MTF1: variants seen among roughly 807,000 people sequenced by gnomAD.
The protein encoded by MTF1 is MRE-binding transcription factor.
A neutral mutation model predicts 70.4 loss-of-function variants in MTF1; 22 were observed. The observed-to-expected ratio is 0.31, with a 90% confidence interval of 0.22 to 0.45. The LOEUF is 0.45. Ranked by LOEUF, MTF1 falls within the 20% of genes least tolerant of loss-of-function variation. MTF1 has a pLI of 1.00. For missense variants in MTF1, 649 were observed against 922.0 expected (o/e 0.70, Z 3.83); for synonymous variants, 333 against 352.8 (o/e 0.94, Z 0.63).
At chr1:37,818,382 A>C (rs1237378814) in intron 9 of MTF1, among the ~76,000 whole-genome samples, 2 of 152,208 alleles carry the variant, frequency 1.3e-5, no homozygotes, top group African/African-American at 2.4e-5. Context: ...GTTCAAGGCC[A>C]GCCCAGCCTG....
At chr1:37,841,119 A>ATACG in intron 2 of MTF1, 1 of 164,848 alleles carries the variant, frequency 6.1e-6, no homozygotes, top group South Asian at 1.4e-4. Context: ...CTCGAGGATG[A>ATACG]GCTTTTGAAG....
intron 7 of MTF1, chr1:37,826,622 TC>T: frequency 2.3e-6 from 1 of 428,770 alleles, no homozygotes; most frequent in Non-Finnish European, 4.6e-6. Context: ...ATTCAGTGAT[TC>T]CTTTTTTTTT....
At chr1:37,821,007 C>T (rs1185597259) in intron 9 of MTF1, among the ~76,000 whole-genome samples, 2 of 151,944 alleles carry the variant, frequency 1.3e-5, no homozygotes, top group Admixed American at 6.6e-5. Flanking sequence ...GGCGAAACCC[C>T]GTCTCTACAA....
At chr1:37,838,860 A>G (rs112943950) in intron 3 of MTF1, 104 bp from the exon 4 acceptor site, 15,948 of 920,760 alleles carry the variant, frequency 0.017, 235 homozygotes, top group African/African-American at 0.034. Context: ...GCTGGAGTGC[A>G]ATGGCGCAGT....
chr1:37,847,167 C>T (rs1391751438), intron 2 of MTF1, among the ~76,000 whole-genome samples: 1 of 152,192 alleles, frequency 6.6e-6, no homozygotes, highest in Non-Finnish European at 1.5e-5. Flanking sequence ...AAACCTTTAC[C>T]CTTACAGAAC....
intron 5 of MTF1, among the ~76,000 whole-genome samples, 167 bp from the exon 6 acceptor site, chr1:37,835,382 T>G (rs1303684964): frequency 6.6e-6 from 1 of 152,208 alleles, no homozygotes; most frequent in Non-Finnish European, 1.5e-5. Flanking sequence ...TCAAACTCAA[T>G]GCTGAGCAAA....
intron 2 of MTF1, among the ~76,000 whole-genome samples, chr1:37,848,040 A>C (rs772301217): frequency 9.9e-5 from 15 of 152,166 alleles, no homozygotes; most frequent in Non-Finnish European, 2.1e-4. Context: ...CAGTTCAGCT[A>C]ATTAGGGGTT....
chr1:37,836,859 GA>G (rs1299676073), intron 4 of MTF1, among the ~76,000 whole-genome samples: 1 of 146,464 alleles, frequency 6.8e-6, no homozygotes, highest in Non-Finnish European at 1.5e-5. Flanking sequence ...GAATATTCAA[GA>G]AAAATGCAGT....
chr1:37,856,430 A>C (rs1478629354), intron 2 of MTF1, among the ~76,000 whole-genome samples: 1 of 151,176 alleles, frequency 6.6e-6, no homozygotes, highest in Non-Finnish European at 1.5e-5. Context: ...TCGGCCTCCC[A>C]AAGTGCTGGG....
rs1640792086 is a variant in MTF1, at chr1:37,814,942, TTTTG to T, written c.*190_*193del. The T allele has an allele frequency of 5.3e-6, 3 of 566,690 alleles. No individual in the cohort carries two copies. The highest frequency in any genetic ancestry group is 9.2e-6 in the Non-Finnish European group (3 of 327,438). 35.1% of individuals were successfully genotyped at this position (566,690 alleles called of 1,614,324 possible). A position where few individuals can be genotyped will look rare whatever the true frequency, so the allele number is the denominator to read the frequency against. ...AGCTTTTTTTGTTGTTTTTTTTGTT[TTTTG>T]TTTTTTTCCAAAGAATAGTTCCTTA... On this transcript the variant is annotated 3_prime_UTR_variant, in exon 11 of 11. Coordinates refer to ENST00000373036, the MANE Select transcript of MTF1 (RefSeq NM_005955.3).
At chr1:37,817,195 T>G (rs1257238220) in intron 10 of MTF1, among the ~76,000 whole-genome samples, 6 of 152,230 alleles carry the variant, frequency 3.9e-5, no homozygotes, top group African/African-American at 1.4e-4. Flanking sequence ...AAAGAACTGT[T>G]ACTAGTTAAA....
chr1:37,852,140 T>G (rs1641426360), intron 2 of MTF1, among the ~76,000 whole-genome samples: 1 of 152,202 alleles, frequency 6.6e-6, no homozygotes, highest in Middle Eastern at 3.2e-3. Context: ...GTGATCTTCT[T>G]GGGTTCCTCT....
intron 7 of MTF1, among the ~76,000 whole-genome samples, chr1:37,831,632 C>T (rs1224773378): frequency 6.6e-6 from 1 of 152,124 alleles, no homozygotes; most frequent in African/African-American, 2.4e-5. Flanking sequence ...ATGGGAATGG[C>T]AGTCAAATTT....
chr1:37,826,269 A>G (rs1013426488), intron 7 of MTF1, among the ~76,000 whole-genome samples: 5 of 152,128 alleles, frequency 3.3e-5, no homozygotes, highest in Non-Finnish European at 7.3e-5. Context: ...CACTGGAGCC[A>G]AAAGGGAGCA....
In MTF1 at chr1:37,832,327, G is replaced by GA. The variant is rs1641099234; in HGVS notation, c.991-6dup. ...ACAAAGTGAGTGATTTGTATCCTGT[G>GA]AAAGAGAAAAAATTCTAATTGAGTA... On this transcript the variant is annotated splice_region_variant and splice_polypyrimidine_tract_variant and intron_variant, in intron 6 of 10. Coordinates refer to ENST00000373036, the MANE Select transcript of MTF1 (RefSeq NM_005955.3). 6.2e-7 allele frequency: 1 copy of GA among 1,601,764 alleles called. No homozygotes were observed. Among genetic ancestry groups the GA allele is most frequent in the East Asian group, 2.2e-5 (1 of 44,740 alleles).
chr1:37,856,333 A>G (rs970233023), intron 2 of MTF1, among the ~76,000 whole-genome samples: 5 of 151,222 alleles, frequency 3.3e-5, no homozygotes, highest in Non-Finnish European at 5.9e-5. Context: ...ACCCGCCACT[A>G]TGCCTGGCTA....
chr1:37,856,170 CTTTTTTTTTTTTTT>C lies in MTF1; in HGVS notation c.408+1067_408+1080del, dbSNP rs869062644. ...ATTTACTGTCTCTTGCCTGAATTTC[CTTTTTTTTTTTTTT>C]TTTTTTTTTTTGAGACTGAGTCTCT... On this transcript the variant is annotated intron_variant, in intron 2 of 10. Transcript: ENST00000373036. Among the ~76,000 whole-genome samples, 435 of 74,282 alleles carry C rather than the reference CTTTTTTTTTTTTTT, an allele frequency of 5.9e-3. 3 individuals carry two copies. The highest frequency in any genetic ancestry group is 0.021 in the African/African-American group (413 of 19,574). The allele number at this position is 74,282 out of a possible 152,430, so 48.7% of individuals were successfully genotyped here.
rs548956375 is a variant in MTF1 at position 37,854,780 on chromosome 1, C to T, written c.408+2471G>A. The stretch of plus-strand genomic sequence containing the variant: ...TGCAGATTTTAAAAGGACTCTGGGG[C>T]CGGGCGCGGTGGCTCATGCCTGTAA... On this transcript the variant is annotated intron_variant, in intron 2 of 10. Transcript: ENST00000373036. Among the ~76,000 whole-genome samples, 102 of 152,306 alleles carry T rather than the reference C, an allele frequency of 6.7e-4. 2 individuals are homozygous for T. The South Asian group carries it at 0.02, about 30-fold the overall frequency.
Position 37,822,553 on chromosome 1 carries a change from A to G in MTF1, c.1335T>C (p.Pro445=). The G allele has an allele frequency of 6.2e-7, 1 of 1,614,106 alleles. No homozygotes were observed. The highest frequency in any genetic ancestry group is 8.5e-7 in the Non-Finnish European group (1 of 1,180,028). The change falls in exon 9 of 11, where the codon CCT becomes CCC. Residue 445 remains proline (P), a synonymous_variant. Coordinates refer to ENST00000373036, the MANE Select transcript of MTF1 (RefSeq NM_005955.3). Reference sequence around the variant, plus strand: ...GGGAGCCAGGTCCTAGGGAGGGAGCAGGCGGAGGAGCAGACGGAGCTGAGG... The same window carrying G: ...GGGAGCCAGGTCCTAGGGAGGGAGCGGGCGGAGGAGCAGACGGAGCTGAGG... ...LPASAPSAPP[P]APSLGPGSQQ...
Sources: allele counts gnomAD v4.1 joint callset (sites outside exome capture counted in the v4.1 genomes callset), GRCh38; gene constraint gnomAD v4.1.1; transcripts MANE v1.5; gene names NCBI Gene and HGNC (gene_info 2026-07-23, HGNC 2026-07-21).